The following RAB3GAP1 variants were observed in gnomAD, a reference collection of about 807,000 sequenced individuals.
The protein encoded by RAB3GAP1 is RAB3 GTPase activating protein catalytic subunit 1.
A neutral mutation model predicts 130.7 loss-of-function variants in RAB3GAP1; 86 were observed. The ratio of observed to expected loss-of-function variants is 0.66; its 90% CI spans 0.55 to 0.79. RAB3GAP1 has a LOEUF of 0.79. Among genes scored for constraint, RAB3GAP1 ranks in the 30% least tolerant of loss-of-function variants. RAB3GAP1 has a pLI of 0.00. For synonymous variants in RAB3GAP1, 367 were observed against 401.7 expected, an observed-to-expected ratio of 0.91 and a Z score of 1.03; for missense variants, 1,029 against 1,169.4, an observed-to-expected ratio of 0.88 and a Z score of 1.75.
intron 17 of RAB3GAP1, chr2:135,136,581 A>T: frequency 2.7e-6 from 1 of 374,890 alleles, no homozygotes; most frequent in Non-Finnish European, 4.6e-6. Context: ...AAGGTGATTT[A>T]TAAACTGAGC....
At chr2:135,102,884 G>A (rs1002686144) in intron 5 of RAB3GAP1, among the ~76,000 whole-genome samples, 34 of 150,980 alleles carry the variant, frequency 2.3e-4, no homozygotes, top group African/African-American at 2.7e-4. Flanking sequence ...GCGTGGTGGC[G>A]CACACCTGTA....
At chr2:135,112,458 A>T (rs1690831936) in intron 5 of RAB3GAP1, among the ~76,000 whole-genome samples, 1 of 152,214 alleles carries the variant, frequency 6.6e-6, no homozygotes, top group Non-Finnish European at 1.5e-5. Context: ...TGAAGCAATG[A>T]AGGCAAGGTC....
intron 5 of RAB3GAP1, among the ~76,000 whole-genome samples, chr2:135,095,609 AC>A (rs1480598491): frequency 2.0e-5 from 3 of 152,166 alleles, no homozygotes; most frequent in Non-Finnish European, 4.4e-5. Context: ...GTACAATCTT[AC>A]CCCTCTTATC....
intron 22 of RAB3GAP1, 101 bp from the exon 23 acceptor site, chr2:135,164,493 C>A: frequency 2.3e-6 from 2 of 853,972 alleles, no homozygotes; most frequent in Non-Finnish European, 4.0e-6. Context: ...TAGCCAGTAT[C>A]AGCTTGAGGA....
At chr2:135,138,993 G>A (rs1287140019) in intron 17 of RAB3GAP1, among the ~76,000 whole-genome samples, 1 of 152,036 alleles carries the variant, frequency 6.6e-6, no homozygotes. Context: ...GTATCTCAGT[G>A]TTTTAGATTG....
chr2:135,061,293 G>A (rs1458032523), intron 3 of RAB3GAP1, among the ~76,000 whole-genome samples: 2 of 152,058 alleles, frequency 1.3e-5, no homozygotes, highest in African/African-American at 4.8e-5. Context: ...TATTTCTCTT[G>A]AGTAAATACC....
At chr2:135,153,986 T>C (rs1692243707) in intron 19 of RAB3GAP1, 110 bp downstream of exon 19, 2 of 1,039,740 alleles carry the variant, frequency 1.9e-6, no homozygotes, top group African/African-American at 3.2e-5. Flanking sequence ...GTGCAAAGCA[T>C]TGAAATTCAA....
At chr2:135,149,777 C>T (rs532073001) in intron 17 of RAB3GAP1, among the ~76,000 whole-genome samples, 2 of 152,270 alleles carry the variant, frequency 1.3e-5, no homozygotes, top group African/African-American at 2.4e-5. Flanking sequence ...CCTCAGCCTC[C>T]TGAGTAGCTG....
At position 135,086,661 on chromosome 2, in the gene RAB3GAP1, C is replaced by G. The variant is rs75335700; in HGVS notation, c.151-4337C>G. ...CCTGTAGTCCATTGCTTCCCCTAAT[C>G]TTTTTTTTTTTTTTTTTTTTTTTTT... On this transcript the variant is annotated intron_variant, in intron 3 of 23. Coordinates refer to ENST00000264158, the MANE Select transcript of RAB3GAP1 (RefSeq NM_012233.3). Among the ~76,000 whole-genome samples the G allele has an allele frequency of 6.1e-5, 4 of 65,068 alleles. No homozygotes were observed. In the South Asian group the frequency reaches 2.8e-3, roughly 46 times the overall value. 42.7% of individuals were successfully genotyped at this position (65,068 alleles called of 152,430 possible).
chr2:135,157,344 A>C (rs74540514), intron 19 of RAB3GAP1, among the ~76,000 whole-genome samples: 6,376 of 152,298 alleles, frequency 0.042, 157 homozygotes, highest in African/African-American at 0.055. Context: ...CAAAAAAATA[A>C]CAAGAATGGA....
chr2:135,101,987 G>T (rs1296960473), intron 5 of RAB3GAP1, among the ~76,000 whole-genome samples: 1 of 152,146 alleles, frequency 6.6e-6, no homozygotes, highest in East Asian at 1.9e-4. Context: ...TGGTAGGCAA[G>T]ATAATGAACC....
At chr2:135,065,181 C>G (rs1574078096) in intron 3 of RAB3GAP1, among the ~76,000 whole-genome samples, 1 of 152,196 alleles carries the variant, frequency 6.6e-6, no homozygotes, top group Non-Finnish European at 1.5e-5. Context: ...CACCCTCAAA[C>G]TTTGTCCGGT....
At chr2:135,159,316 C>T (rs1365012318) in intron 19 of RAB3GAP1, among the ~76,000 whole-genome samples, 1 of 152,308 alleles carries the variant, frequency 6.6e-6, no homozygotes, top group African/African-American at 2.4e-5. Context: ...TACAGTGCAG[C>T]AGCCCGACTG....
At chr2:135,060,065 A>G (rs1689123478) in intron 3 of RAB3GAP1, among the ~76,000 whole-genome samples, 1 of 152,180 alleles carries the variant, frequency 6.6e-6, no homozygotes, top group African/African-American at 2.4e-5. Flanking sequence ...AAAATTTCAA[A>G]CATATATGAA....
intron 3 of RAB3GAP1, among the ~76,000 whole-genome samples, chr2:135,066,104 T>G (rs1689316358): frequency 6.6e-6 from 1 of 151,918 alleles, no homozygotes. Flanking sequence ...GGTGTCTGAG[T>G]CCAGAAAGTT....
chr2:135,148,491 C>CTTTT (rs571757000), intron 17 of RAB3GAP1, among the ~76,000 whole-genome samples: 4 of 108,116 alleles, frequency 3.7e-5, no homozygotes, highest in Non-Finnish European at 7.4e-5. Context: ...GCTAGTAATT[C>CTTTT]TTTTTTTTTT....
intron 3 of RAB3GAP1, among the ~76,000 whole-genome samples, chr2:135,063,221 A>C (rs1244613111): frequency 6.6e-6 from 1 of 151,950 alleles, no homozygotes; most frequent in Admixed American, 6.5e-5. Context: ...ATGAGTAGTC[A>C]AGTTAGTAAA....
At chr2:135,167,906 AAGTAC>A (rs1162074045) in intron 23 of RAB3GAP1, among the ~76,000 whole-genome samples, 2 of 152,228 alleles carry the variant, frequency 1.3e-5, no homozygotes, top group Non-Finnish European at 2.9e-5. Context: ...GTATTAAAAA[AAGTAC>A]AGTAATCAGA....
chr2:135,069,322 G>A (rs369740575), intron 3 of RAB3GAP1, among the ~76,000 whole-genome samples: 4 of 152,214 alleles, frequency 2.6e-5, no homozygotes, highest in South Asian at 4.1e-4. Context: ...TACAGAAGAT[G>A]GAAAGTCTTC....
Sources: gnomAD v4.1 joint callset for allele counts (sites outside exome capture counted in the v4.1 genomes callset) on GRCh38, gnomAD v4.1.1 for gene constraint, MANE v1.5 for transcripts, NCBI Gene and HGNC (gene_info 2026-07-23, HGNC 2026-07-21) for gene names.